CCDC91: variants seen among roughly 807,000 people sequenced by gnomAD.
CCDC91 encodes coiled-coil domain-containing protein 91.
Under a neutral mutation model 63.2 loss-of-function variants are expected in CCDC91, and 48 were observed. That is an observed-to-expected ratio of 0.76 (90% CI 0.60 to 0.97). The LOEUF (loss-of-function observed/expected upper bound fraction) is 0.97. CCDC91 is among the 50% of genes least tolerant of loss of function. CCDC91 has a pLI of 0.00. For missense variants in CCDC91, 500 were observed against 494.6 expected (o/e 1.01, Z -0.10); for synonymous variants, 167 against 165.8 (o/e 1.01, Z -0.06).
At chr12:28,452,102 ATAAT>A (rs1949833713) in intron 10 of CCDC91, among the ~76,000 whole-genome samples, 1 of 151,542 alleles carries the variant, frequency 6.6e-6, no homozygotes, top group South Asian at 2.1e-4. Flanking sequence ...AAATGAATTA[ATAAT>A]TTTATTTTTT....
At chr12:28,437,318 C>G (rs1948963177) in intron 8 of CCDC91, among the ~76,000 whole-genome samples, 1 of 151,994 alleles carries the variant, frequency 6.6e-6, no homozygotes, top group South Asian at 2.1e-4. Context: ...ACCATACTCC[C>G]TTGTTGTACA....
At chr12:28,205,235 C>T (rs1348153976) in intron 1 of CCDC91, among the ~76,000 whole-genome samples, 1 of 151,146 alleles carries the variant, frequency 6.6e-6, no homozygotes, top group African/African-American at 2.4e-5. Flanking sequence ...TGAAGGTGTG[C>T]TTCAGACTTT....
chr12:28,279,230 A>G (rs956562271), intron 3 of CCDC91, among the ~76,000 whole-genome samples: 63 of 126,626 alleles, frequency 5.0e-4, no homozygotes, highest in African/African-American at 1.6e-3. Flanking sequence ...TTTATGTGAT[A>G]TAAAAGTTTG....
In CCDC91 at chr12:28,273,937, T is replaced by C. The variant is rs567635405; in HGVS notation, c.109+14495T>C. On this transcript the variant is annotated intron_variant, in intron 3 of 12. Transcript: ENST00000536442. ...GCCCAGGCCTATGTCCTGAAGGGTA[T>C]TGCCTAGGTTTTCTTCTAGGGTTTT... Among the ~76,000 whole-genome samples the C allele has an allele frequency of 1.1e-3, 169 of 152,298 alleles. 1 individual carries two copies. Among genetic ancestry groups the C allele is most frequent in the African/African-American group, 3.8e-3 (157 of 41,570 alleles).
intron 11 of CCDC91, among the ~76,000 whole-genome samples, chr12:28,472,727 C>G (rs1048166245): frequency 6.6e-6 from 1 of 152,096 alleles, no homozygotes; most frequent in South Asian, 2.1e-4. Flanking sequence ...ACAGTCATCA[C>G]TTGGGAGGCA....
intron 1 of CCDC91, among the ~76,000 whole-genome samples, chr12:28,199,726 T>A (rs1315125555): frequency 6.6e-6 from 1 of 152,256 alleles, no homozygotes; most frequent in Non-Finnish European, 1.5e-5. Context: ...GAATTCTTAG[T>A]TGGCAGTCTT....
chr12:28,329,789 C>T (rs1941339157), intron 6 of CCDC91, among the ~76,000 whole-genome samples: 2 of 152,088 alleles, frequency 1.3e-5, no homozygotes, highest in South Asian at 4.1e-4. Flanking sequence ...TGACAGGCCC[C>T]AGTATGTGAT....
At chr12:28,434,800 A>C (rs1948818814) in intron 8 of CCDC91, among the ~76,000 whole-genome samples, 1 of 151,400 alleles carries the variant, frequency 6.6e-6, no homozygotes, top group African/African-American at 2.4e-5. Flanking sequence ...GTTTTGATTA[A>C]ATTTCTTTAA....
intron 1 of CCDC91, among the ~76,000 whole-genome samples, chr12:28,243,570 A>C (rs1442459964): frequency 1.3e-5 from 2 of 152,184 alleles, no homozygotes; most frequent in African/African-American, 4.8e-5. Flanking sequence ...TAGATAAAAA[A>C]GTCAGCAAAG....
chr12:28,377,145 T>C (rs1378850948), intron 7 of CCDC91, among the ~76,000 whole-genome samples: 4 of 151,386 alleles, frequency 2.6e-5, no homozygotes, highest in African/African-American at 4.8e-5. Context: ...ATATCGTGTT[T>C]ACTTAAAGAT....
intron 6 of CCDC91, among the ~76,000 whole-genome samples, chr12:28,350,805 A>T (rs966956382): frequency 6.6e-6 from 1 of 152,100 alleles, no homozygotes; most frequent in Non-Finnish European, 1.5e-5. Flanking sequence ...TTCTGCTTCT[A>T]TCTTCTCCTG....
At chr12:28,414,222 A>G (rs1779474416) in intron 8 of CCDC91, among the ~76,000 whole-genome samples, 1 of 152,206 alleles carries the variant, frequency 6.6e-6, no homozygotes, top group Admixed American at 6.5e-5. Flanking sequence ...AAAATTTATG[A>G]CAGAAATATA....
At chr12:28,336,427 T>C (rs919614540) in intron 6 of CCDC91, among the ~76,000 whole-genome samples, 4 of 150,390 alleles carry the variant, frequency 2.7e-5, no homozygotes, top group African/African-American at 9.7e-5. Flanking sequence ...ATTATACATA[T>C]TAGAAATTTT....
intron 6 of CCDC91, among the ~76,000 whole-genome samples, chr12:28,359,417 C>T (rs527727192): frequency 6.6e-6 from 1 of 152,030 alleles, no homozygotes; most frequent in Non-Finnish European, 1.5e-5. Flanking sequence ...CTAATTAACT[C>T]TAATTTTTAA....
At chr12:28,519,400 G>C (rs1265982409) in intron 12 of CCDC91, among the ~76,000 whole-genome samples, 2 of 151,844 alleles carry the variant, frequency 1.3e-5, no homozygotes, top group Non-Finnish European at 2.9e-5. Context: ...CTACTGGTTT[G>C]TGTATGTTAA....
intron 11 of CCDC91, among the ~76,000 whole-genome samples, chr12:28,480,362 C>A (rs752642101): frequency 3.3e-5 from 5 of 151,998 alleles, no homozygotes; most frequent in Non-Finnish European, 5.9e-5. Context: ...TCATTAACCA[C>A]AACGTCCTTT....
chr12:28,408,183 G>A (rs1425944113), intron 8 of CCDC91, among the ~76,000 whole-genome samples: 1 of 151,944 alleles, frequency 6.6e-6, no homozygotes, highest in Non-Finnish European at 1.5e-5. Context: ...CCCTCCCAGT[G>A]TCCATGTGTT....
intron 12 of CCDC91, among the ~76,000 whole-genome samples, chr12:28,515,005 CCCT>C (rs750222663): frequency 2.0e-5 from 3 of 151,596 alleles, no homozygotes; most frequent in African/African-American, 4.8e-5. Flanking sequence ...GCACATAGAC[CCCT>C]CAACTTTTTT....
chr12:28,439,110 A>G (rs1949052121), intron 8 of CCDC91, among the ~76,000 whole-genome samples: 1 of 152,210 alleles, frequency 6.6e-6, no homozygotes, highest in Admixed American at 6.5e-5. Context: ...AAATAGGAAG[A>G]ACAACTTATT....
Sources: allele counts gnomAD v4.1 joint callset (sites outside exome capture counted in the v4.1 genomes callset), GRCh38; gene constraint gnomAD v4.1.1; transcripts MANE v1.5; gene names NCBI Gene and HGNC (gene_info 2026-07-23, HGNC 2026-07-21).